ERI1: variants seen among roughly 807,000 people sequenced by gnomAD.
ERI1 encodes 3'-5' exoribonuclease 1.
A neutral mutation model predicts 39.7 loss-of-function variants in ERI1; 39 were observed. That is an observed-to-expected ratio of 0.98 (90% CI 0.76 to 1.28). The LOEUF is 1.28. ERI1 is among the 50% of genes most tolerant of loss of function. ERI1 has a pLI of 0.00. For missense variants in ERI1, 581 were observed against 416.9 expected (o/e 1.39, Z -3.43); for synonymous variants, 204 against 149.6 (o/e 1.36, Z -2.65).
At chr8:9,085,951 A>C (rs914034142) in intron 3 of ERI1, among the ~76,000 whole-genome samples, 1 of 152,152 alleles carries the variant, frequency 6.6e-6, no homozygotes, top group South Asian at 2.1e-4. Flanking sequence ...AAGTGTGTGC[A>C]TAAGCATGCA....
intron 6 of ERI1, among the ~76,000 whole-genome samples, chr8:9,022,646 C>A (rs561145354): frequency 1.3e-5 from 2 of 152,126 alleles, no homozygotes; most frequent in Non-Finnish European, 2.9e-5. Flanking sequence ...ATGATCTGCC[C>A]GCCTCGGCCT....
chr8:9,035,616 C>T (rs899232999), downstream of ERI1, among the ~76,000 whole-genome samples: 3 of 152,122 alleles, frequency 2.0e-5, no homozygotes, highest in Admixed American at 6.5e-5. Context: ...TCTGGTCATC[C>T]AGGAGTTCTG....
Position 9,003,001 on chromosome 8 carries a change from T to C in ERI1, c.-63T>C. 9.2e-7 allele frequency: 1 copy of C among 1,091,592 alleles called. No individual in the cohort carries two copies. Among genetic ancestry groups the C allele is most frequent in the Non-Finnish European group, 1.2e-6 (1 of 850,214 alleles). The allele number at this position is 1,091,592 out of a possible 1,614,324, so 67.6% of individuals were successfully genotyped here. On this transcript the variant is annotated 5_prime_UTR_variant, in exon 1 of 7. Coordinates refer to ENST00000250263, the MANE Select transcript of ERI1 (RefSeq NM_153332.4). ...ACGGAGAAAGGCGAGGCTTTCGGGC[T>C]CTGCAGAGTGAGAGTTAGCAAGTGT...
intron 3 of ERI1, among the ~76,000 whole-genome samples, chr8:9,092,021 A>T (rs530065747): frequency 6.6e-6 from 1 of 152,128 alleles, no homozygotes; most frequent in Non-Finnish European, 1.5e-5. Flanking sequence ...CAGTGGTGCA[A>T]TCTCGGCTCA....
intron 3 of ERI1, among the ~76,000 whole-genome samples, chr8:9,066,766 T>G (rs916945519): frequency 5.9e-5 from 9 of 152,226 alleles, no homozygotes; most frequent in Non-Finnish European, 1.3e-4. Flanking sequence ...GACTAAAATG[T>G]GACAGGCGGG....
In ERI1 at chr8:9,013,031, T is replaced by TC. The variant is rs57124291; in HGVS notation, c.498+1280dup. Reference sequence around the variant, plus strand: ...AATTGACCATTCTCACTTTTTTTTTTCTTTTTTAAGATAGAGTCTTGTACC... The same window carrying TC: ...AATTGACCATTCTCACTTTTTTTTTTCCTTTTTTAAGATAGAGTCTTGTACC... On this transcript the variant is annotated intron_variant, in intron 3 of 6. Transcript: ENST00000250263. Among the ~76,000 whole-genome samples the TC allele has an allele frequency of 5.5e-3, 836 of 151,984 alleles. 9 individuals carry two copies. The highest frequency in any genetic ancestry group is 0.019 in the African/African-American group (787 of 41,402).
At chr8:9,008,402 A>G (rs1816278858) in intron 2 of ERI1, among the ~76,000 whole-genome samples, 1 of 152,170 alleles carries the variant, frequency 6.6e-6, no homozygotes, top group Non-Finnish European at 1.5e-5. Context: ...TCTCTGTCTT[A>G]TTATGACAAG....
At chr8:9,033,561 G>A (rs894894878), downstream of ERI1, among the ~76,000 whole-genome samples, 1 of 68,452 alleles carries the variant, frequency 1.5e-5, no homozygotes, top group Non-Finnish European at 3.2e-5. Flanking sequence ...GCGTAGAGCT[G>A]AATGTTAAGG....
At chr8:9,020,882 G>A (rs1157246006) in intron 6 of ERI1, among the ~76,000 whole-genome samples, 1 of 152,116 alleles carries the variant, frequency 6.6e-6, no homozygotes, top group African/African-American at 2.4e-5. Context: ...CTGTTCTGAG[G>A]CAAACACTTT....
intron 6 of ERI1, among the ~76,000 whole-genome samples, chr8:9,028,390 A>G (rs1005021540): frequency 1.9e-4 from 29 of 152,172 alleles, no homozygotes; most frequent in African/African-American, 7.0e-4. Context: ...TCCAAGTGAT[A>G]ATTAGTGGAA....
chr8:9,093,677 C>T (rs755609729), intron 3 of ERI1, among the ~76,000 whole-genome samples: 1 of 152,204 alleles, frequency 6.6e-6, no homozygotes, highest in Admixed American at 6.5e-5. Flanking sequence ...TAGCAATTCT[C>T]CTTCCTCAGC....
chr8:9,009,634 G>T (rs1251720130), intron 2 of ERI1, among the ~76,000 whole-genome samples: 1 of 152,082 alleles, frequency 6.6e-6, no homozygotes, highest in Non-Finnish European at 1.5e-5. Context: ...CCGACTCCTG[G>T]ATTCAAGCGA....
At chr8:9,027,963 T>G (rs75966305) in intron 6 of ERI1, among the ~76,000 whole-genome samples, 30 of 152,228 alleles carry the variant, frequency 2.0e-4, no homozygotes, top group African/African-American at 7.0e-4. Flanking sequence ...ATGCTGCTGA[T>G]TTAAATTTGC....
intron 3 of ERI1, among the ~76,000 whole-genome samples, chr8:9,015,600 T>C (rs1817153670): frequency 6.6e-6 from 1 of 151,798 alleles, no homozygotes; most frequent in Non-Finnish European, 1.5e-5. Flanking sequence ...CAGGCGTCTG[T>C]AGTCCCAGCT....
At chr8:9,007,921 T>G in intron 1 of ERI1, 49 bp from the exon 2 acceptor site, 1 of 1,549,656 alleles carries the variant, frequency 6.5e-7, no homozygotes, top group Non-Finnish European at 8.7e-7. Flanking sequence ...TTTGTACTAA[T>G]TATAAACTAC....
chr8:9,063,691 A>T, intron 3 of ERI1, among the ~76,000 whole-genome samples: 1 of 152,226 alleles, frequency 6.6e-6, no homozygotes, highest in East Asian at 1.9e-4. Flanking sequence ...ATGCCTGGAC[A>T]TCGGGCATCT....
rs1426908603 is a variant in ERI1 at position 9,003,115 on chromosome 8, C to A, written c.52C>A (p.Leu18Met). ...TGCCGGCGAGGCCGTGGCTCTCGCGCTGCTGGAGTCGCCGCGGCCGGAGGG... is the reference window on the plus strand; with the variant it reads ...TGCCGGCGAGGCCGTGGCTCTCGCGATGCTGGAGTCGCCGCGGCCGGAGGG... Reference protein sequence around the residue: ...EPAGEAVALALLESPRPEGGE... With the variant: ...EPAGEAVALAMLESPRPEGGE... The change falls in exon 1 of 7, where the codon CTG (leucine) becomes ATG (methionine). Residue 18 changes from leucine (L) to methionine (M), a missense_variant. Transcript: ENST00000250263. 8.0e-7 allele frequency: 1 copy of A among 1,246,558 alleles called. No individual in the cohort carries two copies. 77.2% of individuals were successfully genotyped at this position (1,246,558 alleles called of 1,614,324 possible).
intron 3 of ERI1, among the ~76,000 whole-genome samples, chr8:9,085,723 A>G (rs1239194563): frequency 6.6e-6 from 1 of 152,056 alleles, no homozygotes; most frequent in Non-Finnish European, 1.5e-5. Context: ...ATGAGACAGT[A>G]AAAGTTAGAG....
At chr8:9,045,830 C>G (rs1798158770) in intron 3 of ERI1, among the ~76,000 whole-genome samples, 1 of 151,870 alleles carries the variant, frequency 6.6e-6, no homozygotes, top group Non-Finnish European at 1.5e-5. Flanking sequence ...GCATGCATCA[C>G]CACGCCTGGC....
Sources: allele counts gnomAD v4.1 joint callset (sites outside exome capture counted in the v4.1 genomes callset), GRCh38; gene constraint gnomAD v4.1.1; transcripts MANE v1.5; gene names NCBI Gene and HGNC (gene_info 2026-07-23, HGNC 2026-07-21).